Variants in CHRNB3 observed in about 807,000 individuals in gnomAD.
The protein encoded by CHRNB3 is neuronal acetylcholine receptor subunit beta-3.
In CHRNB3, 37 loss-of-function variants were observed where a neutral mutation model predicts 40.6. The ratio of observed to expected loss-of-function variants is 0.91; its 90% confidence interval spans 0.70 to 1.20. CHRNB3 has a LOEUF of 1.20. Ranked by LOEUF, CHRNB3 falls within the 50% of genes most tolerant of loss-of-function variation. The pLI, the probability that CHRNB3 is intolerant of heterozygous loss-of-function variation, is 0.00. For missense variants in CHRNB3, 505 were observed against 551.2 expected (o/e 0.92, Z 0.84); for synonymous variants, 207 against 207.1 (o/e 1.00, Z 0.00).
intron 3 of CHRNB3, among the ~76,000 whole-genome samples, chr8:42,729,903 T>C (rs1816374577): frequency 6.6e-6 from 1 of 151,962 alleles, no homozygotes; most frequent in Non-Finnish European, 1.5e-5. Flanking sequence ...TTTATTTATC[T>C]GGATTCATCA....
intron 4 of CHRNB3, among the ~76,000 whole-genome samples, chr8:42,731,385 C>G (rs1281521826): frequency 6.6e-6 from 1 of 151,994 alleles, no homozygotes; most frequent in Non-Finnish European, 1.5e-5. Flanking sequence ...GAAACCCTGT[C>G]TCTACTAAAA....
chr8:42,727,373 GA>G (rs758556619), intron 3 of CHRNB3, among the ~76,000 whole-genome samples: 23,446 of 84,788 alleles, frequency 0.28, 2,282 homozygotes, highest in African/African-American at 0.45. Context: ...ACTCTGTCTC[GA>G]AAAAAAAAAA....
At chr8:42,729,391 C>T (rs540286349) in intron 3 of CHRNB3, among the ~76,000 whole-genome samples, 4 of 152,222 alleles carry the variant, frequency 2.6e-5, no homozygotes, top group South Asian at 2.1e-4. Context: ...GCCTGGGCAA[C>T]AGAGCGAGAC....
intron 5 of CHRNB3, 115 bp downstream of exon 5, chr8:42,732,664 C>A: frequency 1.0e-6 from 1 of 985,690 alleles, no homozygotes; most frequent in Non-Finnish European, 1.4e-6. Flanking sequence ...TTATATAAGA[C>A]ATGCTTTTTA....
chr8:42,700,416 G>A (rs1450323295), intron 1 of CHRNB3, among the ~76,000 whole-genome samples: 1 of 152,046 alleles, frequency 6.6e-6, no homozygotes, highest in Non-Finnish European at 1.5e-5. Context: ...TTGCCTCCTG[G>A]ATTGAAGGGA....
chr8:42,700,920 T>C (rs1269677183), intron 1 of CHRNB3, among the ~76,000 whole-genome samples: 9 of 151,304 alleles, frequency 5.9e-5, no homozygotes, highest in African/African-American at 2.2e-4. Flanking sequence ...TCTGAGAGAC[T>C]GAGGAAACAG....
At chr8:42,732,649 T>G in intron 5 of CHRNB3, 100 bp downstream of exon 5, 1 of 1,170,934 alleles carries the variant, frequency 8.5e-7, no homozygotes, top group Non-Finnish European at 1.2e-6. Flanking sequence ...GGTTTAAATG[T>G]GACGTTATAT....
intron 3 of CHRNB3, among the ~76,000 whole-genome samples, chr8:42,729,116 T>C (rs1439664661): frequency 6.6e-6 from 1 of 152,090 alleles, no homozygotes; most frequent in African/African-American, 2.4e-5. Context: ...CCCATAAATA[T>C]CATGCCATTG....
In CHRNB3 at chr8:42,703,435, A is replaced by AAAAAAAAAAATATATATATATATAT; in HGVS notation, c.53-5281_53-5280insAAAAAAAAATATATATATATATATA. ...CAAGACTTCGTCTAAAAAAAAAAAA[A>AAAAAAAAAAATATATATATATATAT]ATATTTATATATATATATATATATA... On this transcript the variant is annotated intron_variant, in intron 1 of 5. Coordinates refer to ENST00000289957, the MANE Select transcript of CHRNB3 (RefSeq NM_000749.5). 9.5e-4 allele frequency among the ~76,000 whole-genome samples: 45 copies of AAAAAAAAAAATATATATATATATAT among 47,366 alleles called. 6 individuals are homozygous for AAAAAAAAAAATATATATATATATAT. Among genetic ancestry groups the AAAAAAAAAAATATATATATATATAT allele is most frequent in the East Asian group, 3.4e-3 (3 of 870 alleles). 31.1% of individuals were successfully genotyped at this position (47,366 alleles called of 152,430 possible).
In CHRNB3 at chr8:42,732,390, A is replaced by T; in HGVS notation, c.1083A>T (p.Lys361Asn). 6.2e-7 allele frequency: 1 copy of T among 1,613,932 alleles called. No individual in the cohort carries two copies. Among genetic ancestry groups the T allele is most frequent in the African/African-American group, 1.3e-5 (1 of 74,986 alleles). The change falls in exon 5 of 6, where the codon AAA becomes AAT. Residue 361 changes from lysine to asparagine, a missense_variant. Transcript: ENST00000289957. ...DHVDRYSSPE[K>N]EESQPVVKGK... The stretch of plus-strand genomic sequence containing the variant: ...TGGATCGCTACTCATCCCCAGAGAA[A>T]GAGGAGAGTCAACCAGTAGTGAAAG...
At chr8:42,704,911 G>A (rs540508446) in intron 1 of CHRNB3, among the ~76,000 whole-genome samples, 2 of 152,304 alleles carry the variant, frequency 1.3e-5, no homozygotes, top group East Asian at 3.9e-4. Context: ...GGCTACAGTG[G>A]CTTAACCAAA....
At chr8:42,719,926 C>T (rs1563612026) in intron 3 of CHRNB3, among the ~76,000 whole-genome samples, 1 of 151,966 alleles carries the variant, frequency 6.6e-6, no homozygotes, top group Non-Finnish European at 1.5e-5. Flanking sequence ...CCCACCTAGC[C>T]TCTTTTTCTT....
At chr8:42,707,966 G>A (rs557067949) in intron 1 of CHRNB3, among the ~76,000 whole-genome samples, 7 of 152,374 alleles carry the variant, frequency 4.6e-5, no homozygotes, top group South Asian at 2.1e-4. Context: ...GAAGACAGGT[G>A]TGACAAATGA....
At chr8:42,718,072 C>T (rs1407735677) in intron 3 of CHRNB3, among the ~76,000 whole-genome samples, 3 of 151,890 alleles carry the variant, frequency 2.0e-5, no homozygotes, top group African/African-American at 7.3e-5. Flanking sequence ...CTCATGTGAT[C>T]GCCTACCTGG....
intron 3 of CHRNB3, among the ~76,000 whole-genome samples, chr8:42,726,468 A>G (rs898684726): frequency 3.6e-5 from 5 of 138,774 alleles, no homozygotes; most frequent in Non-Finnish European, 7.6e-5. Flanking sequence ...TGGAATTTTA[A>G]AAATTAAATG....
At chr8:42,715,425 T>C (rs1816081910) in intron 3 of CHRNB3, among the ~76,000 whole-genome samples, 1 of 152,164 alleles carries the variant, frequency 6.6e-6, no homozygotes, top group Non-Finnish European at 1.5e-5. Flanking sequence ...CTCTTTGCAA[T>C]CATCTCTGTG....
At position 42,731,862 on chromosome 8, in the gene CHRNB3, G is replaced by C. The variant is rs891380221; in HGVS notation, c.555G>C (p.Leu185Phe). Reference sequence around the variant, plus strand: ...ATGGCACCATGGTTGACCTCATTTTGATCAATGAAAATGTCGACAGAAAAG... The same window carrying C: ...ATGGCACCATGGTTGACCTCATTTTCATCAATGAAAATGTCGACAGAAAAG... ...TYDGTMVDLI[L>F]INENVDRKDF... is the part of the protein sequence containing the mutation. Residue 185 changes from leucine to phenylalanine, a missense_variant, in exon 5 of 6, where the codon TTG becomes TTC. Physicochemically the swap from Leu to Phe is conservative, Grantham distance 22. Transcript: ENST00000289957. 4.3e-6 allele frequency: 7 copies of C among 1,613,966 alleles called. No individual in the cohort carries two copies.
rs1816442497 is a variant in CHRNB3, at chr8:42,732,318, G to T, written c.1011G>T (p.Arg337Ser). The T allele has an allele frequency of 6.2e-7, 1 of 1,606,388 alleles. No homozygotes were observed. Among genetic ancestry groups the T allele is most frequent in the Admixed American group, 1.7e-5 (1 of 57,776 alleles). Residue 337 changes from arginine to serine, a missense_variant, in exon 5 of 6, where the codon AGG becomes AGT. Coordinates refer to ENST00000289957, the MANE Select transcript of CHRNB3 (RefSeq NM_000749.5). ...TYHPMAPWVK[R>S]LFLQKLPKLL... Reference sequence around the variant, plus strand: ...ACCCCATGGCCCCCTGGGTTAAGAGGCTCTTTCTGCAGAAACTTCCAAAAT... The same window carrying T: ...ACCCCATGGCCCCCTGGGTTAAGAGTCTCTTTCTGCAGAAACTTCCAAAAT...
At chr8:42,719,107 C>T (rs1816175837) in intron 3 of CHRNB3, among the ~76,000 whole-genome samples, 1 of 152,132 alleles carries the variant, frequency 6.6e-6, no homozygotes, top group Non-Finnish European at 1.5e-5. Context: ...TCATCTCTTA[C>T]CCTAAGAAGG....
Sources: allele counts gnomAD v4.1 joint callset (sites outside exome capture counted in the v4.1 genomes callset), GRCh38; gene constraint gnomAD v4.1.1; transcripts MANE v1.5; gene names NCBI Gene and HGNC (gene_info 2026-07-23, HGNC 2026-07-21).